The following CLYBL variants were observed in gnomAD, a reference collection of about 807,000 sequenced individuals.
CLYBL encodes citramalyl-CoA lyase, mitochondrial.
In CLYBL, 31 loss-of-function variants were observed where a neutral mutation model predicts 38.9. The observed-to-expected ratio is 0.80, with a 90% CI of 0.60 to 1.08. CLYBL has a LOEUF of 1.08. CLYBL is among the 50% of genes least tolerant of loss of function. CLYBL has a pLI of 0.00. For synonymous variants in CLYBL, 171 were observed against 158.6 expected, an observed-to-expected ratio of 1.08 and a Z score of -0.59; for missense variants, 434 against 411.6, an observed-to-expected ratio of 1.05 and a Z score of -0.47.
intron 1 of CLYBL, among the ~76,000 whole-genome samples, chr13:99,661,577 A>G (rs1284966206): frequency 6.6e-6 from 1 of 152,188 alleles, no homozygotes; most frequent in Non-Finnish European, 1.5e-5. Context: ...TATTTTGAAA[A>G]CCCATAGGTT....
intron 1 of CLYBL, among the ~76,000 whole-genome samples, chr13:99,699,529 G>A (rs898719577): frequency 6.8e-6 from 1 of 146,450 alleles, no homozygotes; most frequent in African/African-American, 2.5e-5. Flanking sequence ...CCATCTTTAC[G>A]AAAAATACCA....
intron 1 of CLYBL, among the ~76,000 whole-genome samples, chr13:99,652,196 C>T (rs2047264958): frequency 6.6e-6 from 1 of 152,294 alleles, no homozygotes; most frequent in East Asian, 1.9e-4. Flanking sequence ...CCCTTTGGCT[C>T]TGGGAGAGCT....
chr13:99,748,055 A>G (rs1468958470), intron 1 of CLYBL, among the ~76,000 whole-genome samples: 2 of 152,130 alleles, frequency 1.3e-5, no homozygotes, highest in Non-Finnish European at 2.9e-5. Context: ...AGAATTTTTC[A>G]TCTTCCCGAA....
chr13:99,882,819 G>A (rs2052245237), intron 7 of CLYBL, among the ~76,000 whole-genome samples: 1 of 152,150 alleles, frequency 6.6e-6, no homozygotes, highest in Admixed American at 6.5e-5. Context: ...AACTAGAGTA[G>A]AGGTTATAGT....
At chr13:99,887,937 C>T (rs1459765466) in intron 7 of CLYBL, among the ~76,000 whole-genome samples, 1 of 151,934 alleles carries the variant, frequency 6.6e-6, no homozygotes, top group Non-Finnish European at 1.5e-5. Flanking sequence ...CTCACTGCAA[C>T]CTCTGCTTCC....
intron 1 of CLYBL, among the ~76,000 whole-genome samples, chr13:99,665,123 AT>A (rs1217033030): frequency 6.6e-6 from 1 of 151,342 alleles, no homozygotes; most frequent in Non-Finnish European, 1.5e-5. Context: ...TTTAAAAATA[AT>A]TTTTTCTCCC....
chr13:99,717,754 A>G (rs965726786), intron 1 of CLYBL, among the ~76,000 whole-genome samples: 2 of 151,730 alleles, frequency 1.3e-5, no homozygotes, highest in African/African-American at 4.8e-5. Flanking sequence ...GCCACTGTGA[A>G]TTCACTGCCT....
At chr13:99,672,285 C>T (rs1340258028) in intron 1 of CLYBL, among the ~76,000 whole-genome samples, 2 of 150,790 alleles carry the variant, frequency 1.3e-5, no homozygotes, top group South Asian at 2.1e-4. Context: ...TAGCTCACTG[C>T]GACCACAAAC....
intron 1 of CLYBL, among the ~76,000 whole-genome samples, chr13:99,621,678 A>T (rs974607725): frequency 6.6e-6 from 1 of 152,210 alleles, no homozygotes; most frequent in Non-Finnish European, 1.5e-5. Context: ...CCTGTGGGCC[A>T]CATGTGACCT....
At chr13:99,783,588 G>GT (rs1466383345) in intron 2 of CLYBL, among the ~76,000 whole-genome samples, 35 of 151,894 alleles carry the variant, frequency 2.3e-4, no homozygotes, top group African/African-American at 8.0e-4. Flanking sequence ...TCCAGAGTAG[G>GT]TGGGACTACA....
chr13:99,804,526 A>G (rs2050194489), intron 2 of CLYBL, among the ~76,000 whole-genome samples: 1 of 152,092 alleles, frequency 6.6e-6, no homozygotes, highest in South Asian at 2.1e-4. Context: ...AAGACAGAGT[A>G]ATGGGATTTG....
intron 1 of CLYBL, among the ~76,000 whole-genome samples, chr13:99,700,104 A>C (rs2048041901): frequency 6.6e-6 from 1 of 152,062 alleles, no homozygotes; most frequent in African/African-American, 2.4e-5. Flanking sequence ...TAGCATTCCC[A>C]TTTCTTCTCT....
At position 99,703,051 on chromosome 13, in the gene CLYBL, G is replaced by A. The variant is rs527897464; in HGVS notation, c.63-69773G>A. Among the ~76,000 whole-genome samples the A allele has an allele frequency of 1.2e-4, 18 of 152,300 alleles. 1 individual carries two copies. Among genetic ancestry groups the A allele is most frequent in the African/African-American group, 4.3e-4 (18 of 41,562 alleles). On this transcript the variant is annotated intron_variant, in intron 1 of 8. Transcript: ENST00000339105. ...TCCTAGACTATTAAGCACTTTAAAA[G>A]GCACTTCAGGTAATCTAGTTGAAGT...
At chr13:99,871,408 A>G (rs1286604687) in intron 7 of CLYBL, among the ~76,000 whole-genome samples, 2 of 152,240 alleles carry the variant, frequency 1.3e-5, no homozygotes, top group Non-Finnish European at 2.9e-5. Flanking sequence ...ACAAGTTGTA[A>G]TGAAATAAAC....
chr13:99,617,730 C>T (rs1330311020), intron 1 of CLYBL, among the ~76,000 whole-genome samples: 3 of 152,182 alleles, frequency 2.0e-5, no homozygotes, highest in Non-Finnish European at 4.4e-5. Flanking sequence ...GACCTATAAA[C>T]GGTCCCTTTA....
chr13:99,835,133 T>G (rs2050905179), intron 2 of CLYBL, among the ~76,000 whole-genome samples: 1 of 152,226 alleles, frequency 6.6e-6, no homozygotes, highest in Non-Finnish European at 1.5e-5. Context: ...CTGCCACTAC[T>G]CTGTTCTCAC....
chr13:99,771,176 A>G (rs1267926839), intron 1 of CLYBL, among the ~76,000 whole-genome samples: 1 of 151,840 alleles, frequency 6.6e-6, no homozygotes, highest in Non-Finnish European at 1.5e-5. Context: ...AGCTGTGACT[A>G]CAGGCATATG....
At chr13:99,685,107 A>G (rs1490666182) in intron 1 of CLYBL, among the ~76,000 whole-genome samples, 2 of 152,226 alleles carry the variant, frequency 1.3e-5, no homozygotes, top group Non-Finnish European at 2.9e-5. Flanking sequence ...ATTAAAGTCC[A>G]TAGGAGTCTT....
chr13:99,685,909 C>T (rs1458256703), intron 1 of CLYBL, among the ~76,000 whole-genome samples: 1 of 152,012 alleles, frequency 6.6e-6, no homozygotes, highest in Non-Finnish European at 1.5e-5. Flanking sequence ...TTGCAGTGAG[C>T]GGAGATTGCG....
Sources: gnomAD v4.1 joint callset for allele counts (sites outside exome capture counted in the v4.1 genomes callset) on GRCh38, gnomAD v4.1.1 for gene constraint, MANE v1.5 for transcripts, NCBI Gene and HGNC (gene_info 2026-07-23, HGNC 2026-07-21) for gene names.